GPATCH2L: variants seen among roughly 807,000 people sequenced by gnomAD.
GPATCH2L encodes G patch domain-containing protein 2-like.
Under a neutral mutation model 57.4 loss-of-function variants are expected in GPATCH2L, and 31 were observed. That is an observed-to-expected ratio of 0.54 (90% CI 0.41 to 0.73). The LOEUF (loss-of-function observed/expected upper bound fraction) is 0.73, where lower values mean the gene tolerates loss of function less well. Ranked by LOEUF, GPATCH2L falls within the 30% of genes least tolerant of loss-of-function variation. The probability of loss-of-function intolerance (pLI) is 0.00; values close to 1 mark genes in which losing one functional copy is unlikely to be tolerated. For synonymous variants in GPATCH2L, 199 were observed against 210.7 expected, an observed-to-expected ratio of 0.94 and a Z score of 0.48; for missense variants, 481 against 599.9, an observed-to-expected ratio of 0.80 and a Z score of 2.07.
At chr14:76,218,637 A>G (rs995283958), downstream of GPATCH2L, among the ~76,000 whole-genome samples, 1 of 152,040 alleles carries the variant, frequency 6.6e-6, no homozygotes, top group Non-Finnish European at 1.5e-5. Context: ...TACCAATAGA[A>G]TTGAAAAAAA....
chr14:76,161,925 A>G (rs954576740), intron 2 of GPATCH2L, among the ~76,000 whole-genome samples: 7 of 152,154 alleles, frequency 4.6e-5, no homozygotes, highest in African/African-American at 1.7e-4. Flanking sequence ...AATCCTAGCT[A>G]CTTGGGAGGC....
At position 76,227,622 on chromosome 14, in the gene GPATCH2L, G is replaced by A. The variant is rs1428430319; in HGVS notation, c.66-2186G>A. ...AACACGAAATGAATCATGCTCCTGTGAAGACATATGCTTTTCGTTTAAGAT... is the reference window on the plus strand; with the variant it reads ...AACACGAAATGAATCATGCTCCTGTAAAGACATATGCTTTTCGTTTAAGAT... On this transcript the variant is annotated intron_variant and NMD_transcript_variant, in intron 1 of 3. Coordinates refer to the GPATCH2L transcript ENST00000556372. 4.6e-5 allele frequency among the ~76,000 whole-genome samples: 7 copies of A among 152,326 alleles called. No individual in the cohort carries two copies. The East Asian group carries it at 1.3e-3, about 29-fold the overall frequency.
downstream of GPATCH2L, among the ~76,000 whole-genome samples, chr14:76,216,845 T>C (rs763156317): frequency 2.0e-5 from 3 of 152,098 alleles, no homozygotes; most frequent in Non-Finnish European, 4.4e-5. Flanking sequence ...AATGGAACGA[T>C]ATAGAAAATT....
chr14:76,217,308 T>C (rs2040494117), downstream of GPATCH2L, among the ~76,000 whole-genome samples: 1 of 152,154 alleles, frequency 6.6e-6, no homozygotes, highest in Admixed American at 6.6e-5. Context: ...ATATTTGCTA[T>C]CCAAACTTTT....
intron 2 of GPATCH2L, among the ~76,000 whole-genome samples, chr14:76,165,311 G>A (rs1382218712): frequency 6.6e-6 from 1 of 152,044 alleles, no homozygotes; most frequent in Admixed American, 6.6e-5. Flanking sequence ...GACCAACATG[G>A]TGAAACCCTG....
At chr14:76,164,369 A>G (rs1164066205) in intron 2 of GPATCH2L, among the ~76,000 whole-genome samples, 3 of 152,156 alleles carry the variant, frequency 2.0e-5, no homozygotes, top group Non-Finnish European at 2.9e-5. Context: ...CTCACTAAAT[A>G]TCAGTAGTTC....
In GPATCH2L at chr14:76,164,212, G is replaced by A. The variant is rs533151256; in HGVS notation, c.663-2451G>A. On this transcript the variant is annotated intron_variant, in intron 2 of 9. Transcript: ENST00000261530. Reference sequence around the variant, plus strand: ...CTCAAGTAGTTTCCCTAAATGGGACGCCCTACCTCTCCCAGCCCTCTGCTT... The same window carrying A: ...CTCAAGTAGTTTCCCTAAATGGGACACCCTACCTCTCCCAGCCCTCTGCTT... 3.2e-4 allele frequency among the ~76,000 whole-genome samples: 48 copies of A among 152,248 alleles called. 2 individuals carry two copies. The highest frequency in any genetic ancestry group is 1.2e-3 in the African/African-American group (48 of 41,538).
chr14:76,235,379 G>T (rs953345643), intron 2 of GPATCH2L, among the ~76,000 whole-genome samples: 3 of 151,976 alleles, frequency 2.0e-5, no homozygotes, highest in Non-Finnish European at 4.4e-5. Flanking sequence ...GGCTTAACTC[G>T]AATAAGTCTC....
At chr14:76,168,784 A>T (rs1207165413) in intron 3 of GPATCH2L, among the ~76,000 whole-genome samples, 1 of 152,258 alleles carries the variant, frequency 6.6e-6, no homozygotes, top group African/African-American at 2.4e-5. Context: ...CCAATGGCAA[A>T]GAGCAAACGT....
intron 8 of GPATCH2L, among the ~76,000 whole-genome samples, chr14:76,183,162 G>C (rs1454948162): frequency 6.6e-6 from 1 of 152,178 alleles, no homozygotes; most frequent in Non-Finnish European, 1.5e-5. Flanking sequence ...TCAGCTTCTT[G>C]TTTCTTTGTG....
At chr14:76,189,991 C>T (rs2139772554) in intron 8 of GPATCH2L, among the ~76,000 whole-genome samples, 1 of 152,260 alleles carries the variant, frequency 6.6e-6, no homozygotes, top group East Asian at 1.9e-4. Context: ...TTGCCATTCG[C>T]AGACAGACTG....
intron 1 of GPATCH2L, among the ~76,000 whole-genome samples, chr14:76,224,299 G>A (rs774497777): frequency 7.9e-5 from 12 of 152,064 alleles, no homozygotes; most frequent in African/African-American, 1.9e-4. Context: ...AAAATGTTCC[G>A]GAGTTATATG....
intron 1 of GPATCH2L, among the ~76,000 whole-genome samples, chr14:76,228,349 G>T (rs1299880354): frequency 6.6e-6 from 1 of 152,130 alleles, no homozygotes; most frequent in Non-Finnish European, 1.5e-5. Context: ...GTGTGTGTGT[G>T]CGTGCGCGCG....
At chr14:76,232,077 A>C (rs1262207842) in intron 2 of GPATCH2L, among the ~76,000 whole-genome samples, 1 of 65,934 alleles carries the variant, frequency 1.5e-5, no homozygotes, top group African/African-American at 4.3e-5. Context: ...ACGCCCAGCT[A>C]ATTTTTGTAT....
chr14:76,215,194 T>C (rs369271885), downstream of GPATCH2L, among the ~76,000 whole-genome samples: 3,331 of 151,810 alleles, frequency 0.022, 75 homozygotes, highest in South Asian at 0.076. Context: ...ATCAGAGAAA[T>C]GCAAATCAAA....
At chr14:76,161,344 A>G (rs2038573387) in intron 2 of GPATCH2L, among the ~76,000 whole-genome samples, 1 of 152,264 alleles carries the variant, frequency 6.6e-6, no homozygotes, top group South Asian at 2.1e-4. Flanking sequence ...TATTAATTAG[A>G]TGCAAAAAAC....
At chr14:76,187,048 T>G (rs1253236075) in intron 8 of GPATCH2L, among the ~76,000 whole-genome samples, 1 of 151,266 alleles carries the variant, frequency 6.6e-6, no homozygotes, top group East Asian at 1.9e-4. Flanking sequence ...CTTTTCTTCC[T>G]ATCTGCTCCT....
At chr14:76,218,961 G>A (rs2040501431), downstream of GPATCH2L, among the ~76,000 whole-genome samples, 1 of 140,970 alleles carries the variant, frequency 7.1e-6, no homozygotes, top group Admixed American at 7.5e-5. Context: ...ATTACAGACA[G>A]TCTAAAGATT....
downstream of GPATCH2L, among the ~76,000 whole-genome samples, chr14:76,218,891 G>A (rs1277742613): frequency 1.3e-5 from 2 of 151,422 alleles, no homozygotes; most frequent in Non-Finnish European, 2.9e-5. Flanking sequence ...GAACTCCTAG[G>A]TAGGGCTCTG....
Sources: allele counts gnomAD v4.1 joint callset (sites outside exome capture counted in the v4.1 genomes callset), GRCh38; gene constraint gnomAD v4.1.1; transcripts MANE v1.5; gene names NCBI Gene and HGNC (gene_info 2026-07-23, HGNC 2026-07-21).